Variants in ARHGEF11 observed in about 807,000 individuals in gnomAD.
ARHGEF11 encodes the protein Rho guanine exchange factor (GEF) 11.
ARHGEF11 carries 55 observed loss-of-function variants against 193.7 expected under a neutral mutation model. The ratio of observed to expected loss-of-function variants is 0.28; its 90% CI spans 0.23 to 0.36. ARHGEF11 has a LOEUF of 0.36. Among genes scored for constraint, ARHGEF11 ranks in the 10% least tolerant of loss-of-function variants. The pLI, the probability that ARHGEF11 is intolerant of heterozygous loss-of-function variation, is 1.00. For missense variants in ARHGEF11, 1,723 were observed against 2,005.6 expected, an observed-to-expected ratio of 0.86 and a Z score of 2.69; for synonymous variants, 693 against 768.0, an observed-to-expected ratio of 0.90 and a Z score of 1.62.
intron 1 of ARHGEF11, among the ~76,000 whole-genome samples, chr1:157,031,411 T>C (rs1671291827): frequency 6.6e-6 from 1 of 152,182 alleles, no homozygotes; most frequent in Non-Finnish European, 1.5e-5. Context: ...CTAAGAGAAC[T>C]AGGATTTCTT....
At chr1:156,962,725 A>G (rs1661084504) in intron 13 of ARHGEF11, among the ~76,000 whole-genome samples, 1 of 151,772 alleles carries the variant, frequency 6.6e-6, no homozygotes, top group Admixed American at 6.6e-5. Context: ...AAAAATACAA[A>G]AAAATTAGCC....
At chr1:156,944,869 G>T in intron 30 of ARHGEF11, 150 bp downstream of exon 30, 1 of 1,070,150 alleles carries the variant, frequency 9.3e-7, no homozygotes. Flanking sequence ...GGTGACAATA[G>T]CAGGGTGTGT....
At chr1:157,000,027 G>A (rs1337512713) in intron 1 of ARHGEF11, among the ~76,000 whole-genome samples, 6 of 152,180 alleles carry the variant, frequency 3.9e-5, no homozygotes, top group Non-Finnish European at 8.8e-5. Flanking sequence ...GCAGTGGTGC[G>A]ATCTCAGCTC....
At chr1:156,994,793 G>A (rs1457857400) in intron 1 of ARHGEF11, among the ~76,000 whole-genome samples, 1 of 152,182 alleles carries the variant, frequency 6.6e-6, no homozygotes, top group East Asian at 1.9e-4. Flanking sequence ...TCTTAGGCAA[G>A]TCATCCAACC....
intron 1 of ARHGEF11, among the ~76,000 whole-genome samples, chr1:156,993,589 C>A (rs1265053183): frequency 1.3e-5 from 2 of 152,240 alleles, no homozygotes; most frequent in African/African-American, 4.8e-5. Context: ...CCTACCAGGA[C>A]CTTAGCTCCA....
chr1:157,036,128 AAT>A (rs1350136731), intron 1 of ARHGEF11, among the ~76,000 whole-genome samples: 8 of 139,556 alleles, frequency 5.7e-5, no homozygotes, highest in East Asian at 2.0e-4. Flanking sequence ...TATATATGAA[AAT>A]ATATATATGA....
chr1:156,958,819 G>T lies in ARHGEF11; in HGVS notation c.1425C>A (p.Asp475Glu). ...LGLGSLYGEN[D>E]LLDLDGDPLR... ...GAGGGTCCCCATCCAGGTCCAGCAG[G>T]TCATTTTCACCATACAGGCTGCCCA... Residue 475 changes from aspartate (D) to glutamate (E), a missense_variant, in exon 17 of 41, where the codon GAC (aspartate) becomes GAA (glutamate). Physicochemically the swap from Asp to Glu is conservative, Grantham distance 45 (BLOSUM62 2). Around this residue, in one of 5 missense-constraint regions of ARHGEF11, gnomAD observed 646 missense variants for 710.7 expected, o/e 0.91. Transcript: ENST00000368194. 6.2e-7 allele frequency: 1 copy of T among 1,614,214 alleles called. No individual in the cohort carries two copies.
rs551636281 is a variant in ARHGEF11, at chr1:156,952,344, G to A, written c.1799-645C>T. 2.6e-5 allele frequency among the ~76,000 whole-genome samples: 4 copies of A among 152,256 alleles called. No individual in the cohort carries two copies. The South Asian group carries it at 8.3e-4, about 32-fold the overall frequency. On this transcript the variant is annotated intron_variant, in intron 21 of 40. Coordinates refer to ENST00000368194, the MANE Select transcript of ARHGEF11 (RefSeq NM_198236.3). Reference sequence around the variant, plus strand: ...CCTGTTCAGACAGAGAGGGCAGATGGTAGAGTGAAAAGGCACAGGTAATGC... The same window carrying A: ...CCTGTTCAGACAGAGAGGGCAGATGATAGAGTGAAAAGGCACAGGTAATGC...
intron 40 of ARHGEF11, among the ~76,000 whole-genome samples, chr1:156,936,495 A>ATATATATAT (rs1330599702): frequency 3.3e-3 from 190 of 56,920 alleles, no homozygotes; most frequent in East Asian, 0.013. Flanking sequence ...AAAAAAAAAA[A>ATATATATAT]AAATATATAT....
At chr1:156,988,212 G>T (rs577986307) in intron 1 of ARHGEF11, among the ~76,000 whole-genome samples, 96 of 152,284 alleles carry the variant, frequency 6.3e-4, no homozygotes, top group African/African-American at 2.2e-3. Flanking sequence ...GTACAGACAG[G>T]CAAGGTTGGA....
At chr1:157,024,203 C>T (rs754144097) in intron 1 of ARHGEF11, among the ~76,000 whole-genome samples, 59 of 152,138 alleles carry the variant, frequency 3.9e-4, no homozygotes, top group Non-Finnish European at 5.4e-4. Flanking sequence ...TGTATAATTC[C>T]GTTTATATGA....
At chr1:157,040,719 T>C (rs180798253) in intron 1 of ARHGEF11, among the ~76,000 whole-genome samples, 1 of 152,352 alleles carries the variant, frequency 6.6e-6, no homozygotes, top group East Asian at 1.9e-4. Context: ...TGTTTTGTTT[T>C]GGGATACTTA....
At chr1:156,989,129 G>C (rs945507) in intron 1 of ARHGEF11, among the ~76,000 whole-genome samples, 35,837 of 151,866 alleles carry the variant, frequency 0.24, 4,486 homozygotes, top group East Asian at 0.44. Context: ...CCTAAACCTG[G>C]GGGTATGGAG....
At chr1:157,017,701 C>T (rs534975470) in intron 1 of ARHGEF11, among the ~76,000 whole-genome samples, 19 of 110,420 alleles carry the variant, frequency 1.7e-4, no homozygotes, top group African/African-American at 5.4e-4. Context: ...AGTGAGACTC[C>T]GTCTCAAAAA....
intron 38 of ARHGEF11, 71 bp downstream of exon 38, chr1:156,938,347 T>G: frequency 7.1e-7 from 1 of 1,414,072 alleles, no homozygotes; most frequent in East Asian, 2.4e-5. Flanking sequence ...TGGGCAGGGG[T>G]CCGACTCTGC....
chr1:156,990,759 G>A (rs933246905), intron 1 of ARHGEF11, among the ~76,000 whole-genome samples: 4 of 152,080 alleles, frequency 2.6e-5, no homozygotes, highest in African/African-American at 7.2e-5. Context: ...GCCAGCTCCT[G>A]TGTCCTTTTA....
At chr1:156,997,411 C>T (rs112211602) in intron 1 of ARHGEF11, among the ~76,000 whole-genome samples, 3 of 152,070 alleles carry the variant, frequency 2.0e-5, no homozygotes, top group Admixed American at 2.0e-4. Context: ...AAGGCTTTCT[C>T]GAAGAAGTAA....
chr1:156,981,767 G>T (rs900025458), intron 3 of ARHGEF11, among the ~76,000 whole-genome samples: 1 of 152,098 alleles, frequency 6.6e-6, no homozygotes, highest in Non-Finnish European at 1.5e-5. Flanking sequence ...GTGTCACCTC[G>T]CCCAGCCTCA....
chr1:156,963,000 T>A (rs2102198845), intron 13 of ARHGEF11, among the ~76,000 whole-genome samples: 1 of 151,616 alleles, frequency 6.6e-6, no homozygotes, highest in East Asian at 1.9e-4. Flanking sequence ...CCTAGGCAGC[T>A]GATGTAGTTA....
Sources: allele counts gnomAD v4.1 joint callset (sites outside exome capture counted in the v4.1 genomes callset), GRCh38; gene constraint gnomAD v4.1.1; regional missense constraint gnomAD v4.1.1; transcripts MANE v1.5; gene names NCBI Gene and HGNC (gene_info 2026-07-23, HGNC 2026-07-21).